The following FCN2 variants were observed in gnomAD, a reference collection of about 807,000 sequenced individuals.
FCN2 encodes ficolin-2.
Under a neutral mutation model 32.5 loss-of-function variants are expected in FCN2, and 31 were observed. The observed-to-expected ratio is 0.96, with a 90% CI of 0.72 to 1.29. The LOEUF is 1.29. Among genes scored for constraint, FCN2 ranks in the 50% most tolerant of loss-of-function variants. FCN2 has a pLI of 0.00. For synonymous variants in FCN2, 181 were observed against 164.5 expected (o/e 1.10, Z -0.77); for missense variants, 412 against 406.5 (o/e 1.01, Z -0.12).
Position 134,887,320 on chromosome 9 carries a change from A to T in FCN2, c.847A>T (p.Thr283Ser), listed in dbSNP as rs1830774634. The change falls in exon 8 of 8, where the codon ACT (threonine) becomes TCT (serine). Residue 283 changes from threonine (T) to serine (S), a missense_variant. Coordinates refer to ENST00000291744, the MANE Select transcript of FCN2 (RefSeq NM_004108.3). ...SNLNGRYLRGTHGSFANGINW... is the reference protein window; with the variant it reads ...SNLNGRYLRGSHGSFANGINW... ...CCTGAATGGTCGCTACCTCAGGGGGACTCATGGCAGCTTTGCAAATGGCAT... is the reference window on the plus strand; with the variant it reads ...CCTGAATGGTCGCTACCTCAGGGGGTCTCATGGCAGCTTTGCAAATGGCAT... 6.2e-7 allele frequency: 1 copy of T among 1,614,062 alleles called. No individual in the cohort carries two copies. Among genetic ancestry groups the T allele is most frequent in the Non-Finnish European group, 8.5e-7 (1 of 1,179,986 alleles).
At chr9:134,871,215 C>T in the FCN2 span, among the ~76,000 whole-genome samples, 2 of 152,192 alleles carry the variant, frequency 1.3e-5, no homozygotes, top group Non-Finnish European at 1.5e-5. Context: ...AGGATCGGCG[C>T]TGAGGACTGG....
At chr9:134,887,065 C>T (rs1447102371) in intron 7 of FCN2, 103 bp from the exon 8 acceptor site, 3 of 1,346,484 alleles carry the variant, frequency 2.2e-6, no homozygotes, top group African/African-American at 2.9e-5. Context: ...ACCTGCCTAA[C>T]CATACATGGA....
intron 6 of FCN2, 147 bp from the exon 7 acceptor site, chr9:134,886,283 A>G: frequency 1.1e-6 from 1 of 936,320 alleles, no homozygotes; most frequent in East Asian, 2.4e-5. Context: ...GGTCAGAGCT[A>G]CACAGGCCCC....
chr9:134,879,255 C>A (rs1017328546), upstream of FCN2, among the ~76,000 whole-genome samples: 2 of 152,162 alleles, frequency 1.3e-5, no homozygotes, highest in African/African-American at 4.8e-5. Flanking sequence ...CTCCAATAGG[C>A]CAGATTCTCT....
chr9:134,865,639 T>TA, the FCN2 span, among the ~76,000 whole-genome samples: 25,295 of 150,204 alleles, frequency 0.17, 2,332 homozygotes, highest in Admixed American at 0.27. Flanking sequence ...TGAGGACAGA[T>TA]AAAAAAAAAA....
the FCN2 span, among the ~76,000 whole-genome samples, chr9:134,872,249 T>C: frequency 1.3e-5 from 2 of 152,162 alleles, no homozygotes; most frequent in African/African-American, 4.8e-5. Context: ...ACCCCGTGGA[T>C]GGATGGACCA....
the FCN2 span, among the ~76,000 whole-genome samples, chr9:134,867,859 G>C: frequency 6.6e-6 from 1 of 152,246 alleles, no homozygotes; most frequent in East Asian, 1.9e-4. Context: ...AAGTTTCTTA[G>C]AAATATTGGT....
chr9:134,880,520 T>C (rs1830647129), upstream of FCN2, among the ~76,000 whole-genome samples: 1 of 152,238 alleles, frequency 6.6e-6, no homozygotes, highest in African/African-American at 2.4e-5. Context: ...TGGTGACATC[T>C]GCTCACCGCT....
chr9:134,877,773 G>A (rs1285936243), upstream of FCN2, among the ~76,000 whole-genome samples: 1 of 152,212 alleles, frequency 6.6e-6, no homozygotes, highest in Non-Finnish European at 1.5e-5. Context: ...GCACCCTGAG[G>A]GTGGAGACCT....
chr9:134,884,592 C>A (rs1198084548), intron 3 of FCN2, 148 bp from the exon 4 acceptor site: 5 of 785,680 alleles, frequency 6.4e-6, no homozygotes, highest in Non-Finnish European at 2.2e-6. Flanking sequence ...AAAATTTGGT[C>A]AACAGAACCA....
chr9:134,871,078 C>T, the FCN2 span, among the ~76,000 whole-genome samples: 2 of 152,290 alleles, frequency 1.3e-5, no homozygotes, highest in South Asian at 2.1e-4. Context: ...ATGCCTTGTA[C>T]TTATTGATTG....
Position 134,887,218 on chromosome 9 carries a change from G to C in FCN2, c.745G>C (p.Asp249His). Residue 249 changes from aspartate (D) to histidine (H), a missense_variant, in exon 8 of 8, where the codon GAC (aspartate) becomes CAC (histidine). Transcript: ENST00000291744. Reference sequence around the variant, plus strand: ...CCAGTCCTTCTCCACCAAAGACCAGGACAATGATCTTAACACCGGAAATTG... The same window carrying C: ...CCAGTCCTTCTCCACCAAAGACCAGCACAATGATCTTAACACCGGAAATTG... ...NNQSFSTKDQ[D>H]NDLNTGNCAV... The C allele has an allele frequency of 6.2e-7, 1 of 1,614,112 alleles. No individual in the cohort carries two copies. The highest frequency in any genetic ancestry group is 1.1e-5 in the South Asian group (1 of 91,082).
chr9:134,871,697 G>T, the FCN2 span, among the ~76,000 whole-genome samples: 456 of 152,324 alleles, frequency 3.0e-3, no homozygotes, highest in African/African-American at 0.011. Context: ...GGATGGGCAG[G>T]AGTCCTGGCT....
At chr9:134,873,814 G>C in the FCN2 span, among the ~76,000 whole-genome samples, 4 of 152,018 alleles carry the variant, frequency 2.6e-5, no homozygotes, top group South Asian at 2.1e-4. Context: ...ATTTTCATTT[G>C]AACTGTGGCT....
At chr9:134,879,034 T>G (rs2132992874), upstream of FCN2, among the ~76,000 whole-genome samples, 1 of 152,350 alleles carries the variant, frequency 6.6e-6, no homozygotes, top group African/African-American at 2.4e-5. Context: ...TAGAACCACA[T>G]TTATCCTTTA....
upstream of FCN2, among the ~76,000 whole-genome samples, chr9:134,876,890 T>A (rs2132990567): frequency 6.6e-6 from 1 of 152,364 alleles, no homozygotes; most frequent in South Asian, 2.1e-4. Flanking sequence ...CTTAGGTATT[T>A]CTTGAGTGAC....
At chr9:134,871,757 C>G in the FCN2 span, among the ~76,000 whole-genome samples, 1 of 152,136 alleles carries the variant, frequency 6.6e-6, no homozygotes, top group Non-Finnish European at 1.5e-5. Context: ...GCTCTGGGTC[C>G]CACAGGATTT....
the FCN2 span, among the ~76,000 whole-genome samples, chr9:134,869,237 C>T: frequency 1.3e-5 from 2 of 152,158 alleles, no homozygotes; most frequent in African/African-American, 2.4e-5. Context: ...ACTGTGTGCA[C>T]GTGAATCCCT....
chr9:134,867,988 A>G, the FCN2 span, among the ~76,000 whole-genome samples: 1 of 152,328 alleles, frequency 6.6e-6, no homozygotes, highest in South Asian at 2.1e-4. Flanking sequence ...CCTTGTTACT[A>G]TCCCCACTTG....
Sources: gnomAD v4.1 joint callset for allele counts (sites outside exome capture counted in the v4.1 genomes callset) on GRCh38, gnomAD v4.1.1 for gene constraint, MANE v1.5 for transcripts, NCBI Gene and HGNC (gene_info 2026-07-23, HGNC 2026-07-21) for gene names.